Variants in ADRA1A observed in about 807,000 individuals in gnomAD.
ADRA1A encodes adrenoceptor alpha 1A, also known as alpha-1A adrenergic receptor.
Under a neutral mutation model 29.6 loss-of-function variants are expected in ADRA1A, and 31 were observed. The observed-to-expected ratio is 1.05, with a 90% CI of 0.79 to 1.41. The LOEUF is 1.41. Ranked by LOEUF, ADRA1A falls within the 40% of genes most tolerant of loss-of-function variation. The probability of loss-of-function intolerance (pLI) is 0.00; values close to 1 mark genes in which losing one functional copy is unlikely to be tolerated. For missense variants in ADRA1A, 619 were observed against 601.1 expected (o/e 1.03, Z -0.31); for synonymous variants, 311 against 254.3 (o/e 1.22, Z -2.12).
intron 2 of ADRA1A, chr8:26,858,920 C>T: frequency 2.0e-6 from 1 of 505,140 alleles, no homozygotes; most frequent in Non-Finnish European, 2.9e-6. Context: ...AACAGTCATG[C>T]TATTCAATGC....
rs985172934 is a variant in ADRA1A at position 26,787,956 on chromosome 8, C to T, written c.884-17290G>A. ...GGGGATAATTTCCAAGGTCAGAAAC[C>T]GGACATTGAGTACATCTTCCTGCAG... On this transcript the variant is annotated intron_variant, in intron 2 of 2. Coordinates refer to ENST00000380573, the MANE Select transcript of ADRA1A (RefSeq NM_000680.4). This position sits in a 1 kb window ranked among gnomAD's most constrained non-coding sequence, Gnocchi z 4.2. Among the ~76,000 whole-genome samples the T allele has an allele frequency of 3.3e-5, 5 of 151,560 alleles. No homozygotes were observed. The highest frequency in any genetic ancestry group is 4.9e-5 in the African/African-American group (2 of 41,206).
At chr8:26,851,040 C>T (rs936039651) in intron 2 of ADRA1A, among the ~76,000 whole-genome samples, 3 of 151,702 alleles carry the variant, frequency 2.0e-5, no homozygotes, top group East Asian at 1.9e-4. Context: ...TAAGAAAAAT[C>T]CAGAGCACAG....
Position 26,865,047 on chromosome 8 carries a change from C to A in ADRA1A, c.-78G>T. On this transcript the variant is annotated 5_prime_UTR_variant, in exon 2 of 3. Coordinates refer to ENST00000380573, the MANE Select transcript of ADRA1A (RefSeq NM_000680.4). This position sits in a 1 kb window ranked among gnomAD's most constrained non-coding sequence, Gnocchi z 7.6. ...TGGCGCGGAGGCGGGAGCGCGGGAG[C>A]CGGGAATCAAAAGGTCTCGGCTGGA... 6.6e-7 allele frequency: 1 copy of A among 1,517,602 alleles called. No homozygotes were observed. Among genetic ancestry groups the A allele is most frequent in the Non-Finnish European group, 8.8e-7 (1 of 1,142,272 alleles). 94.0% of individuals were successfully genotyped at this position (1,517,602 alleles called of 1,614,324 possible).
chr8:26,831,482 G>T lies in ADRA1A; in HGVS notation c.883+32605C>A, dbSNP rs1470358550. ...TGGGATTGCCCAGTACCAACCCCCT[G>T]CCCACACCCCACCACTGATCATGGC... On this transcript the variant is annotated intron_variant, in intron 2 of 2. Coordinates refer to ENST00000380573, the MANE Select transcript of ADRA1A (RefSeq NM_000680.4). This position sits in a 1 kb window ranked among gnomAD's most constrained non-coding sequence, Gnocchi z 5.2. Among the ~76,000 whole-genome samples, 2 of 152,224 alleles carry T rather than the reference G, an allele frequency of 1.3e-5. No individual in the cohort carries two copies. Among genetic ancestry groups the T allele is most frequent in the East Asian group, 3.9e-4 (2 of 5,160 alleles).
chr8:26,786,654 A>G (rs1158534313), intron 2 of ADRA1A, among the ~76,000 whole-genome samples: 1 of 150,454 alleles, frequency 6.6e-6, no homozygotes, highest in Non-Finnish European at 1.5e-5. Context: ...TCCACTCACC[A>G]TTTATATCTT....
chr8:26,830,180 C>T (rs551315179), intron 2 of ADRA1A, among the ~76,000 whole-genome samples: 1 of 152,296 alleles, frequency 6.6e-6, no homozygotes, highest in South Asian at 2.1e-4. Context: ...AGATTGCTTC[C>T]AGGCAGGTCC....
intron 2 of ADRA1A, among the ~76,000 whole-genome samples, chr8:26,829,833 C>T (rs1347276283): frequency 6.6e-6 from 1 of 152,098 alleles, no homozygotes; most frequent in African/African-American, 2.4e-5. Flanking sequence ...CAGCCCCACG[C>T]TGCCCCTGGT....
Position 26,795,033 on chromosome 8 carries a change from TA to T in ADRA1A, c.884-24368del, listed in dbSNP as rs573798220. Reference sequence around the variant, plus strand: ...AATCTTTTTTCCTAACTTTGAATTCTAAAAAAACTAAGAAACAATGATCAGG... The same window carrying T: ...AATCTTTTTTCCTAACTTTGAATTCTAAAAAACTAAGAAACAATGATCAGG... On this transcript the variant is annotated intron_variant, in intron 2 of 2. Coordinates refer to ENST00000380573, the MANE Select transcript of ADRA1A (RefSeq NM_000680.4). Among the ~76,000 whole-genome samples the T allele has an allele frequency of 5.7e-3, 868 of 152,164 alleles. 8 individuals are homozygous for T. The highest frequency in any genetic ancestry group is 0.02 in the African/African-American group (828 of 41,526).
intron 2 of ADRA1A, among the ~76,000 whole-genome samples, chr8:26,783,725 CGTGT>C (rs1807164072): frequency 1.3e-5 from 2 of 152,178 alleles, no homozygotes; most frequent in African/African-American, 4.8e-5. Flanking sequence ...AAGATACATG[CGTGT>C]GTATGTTCAT....
rs1400674311 is a variant in ADRA1A, at chr8:26,864,808, G to A, written c.162C>T (p.His54=). Residue 54 remains histidine (H), a synonymous_variant, in exon 2 of 3, where the codon CAC becomes CAT. Transcript: ENST00000380573. This position sits in a 1 kb window ranked among gnomAD's most constrained non-coding sequence, Gnocchi z 8.1. ...AGTGCGTGACTGAGTGCAGGTGTCG[G>A]TGACAGGCTACGGAGAGGATCACTA... ...NILVILSVAC[H]RHLHSVTHYY... 1 of 1,614,072 alleles carries A rather than the reference G, an allele frequency of 6.2e-7. No homozygotes were observed. Among genetic ancestry groups the A allele is most frequent in the Admixed American group, 1.7e-5 (1 of 60,006 alleles).
Position 26,801,770 on chromosome 8 carries a change from A to G in ADRA1A, c.884-31104T>C, listed in dbSNP as rs190928582. Among the ~76,000 whole-genome samples the G allele has an allele frequency of 1.3e-3, 191 of 152,270 alleles. 3 individuals carry two copies. The highest frequency in any genetic ancestry group is 4.5e-3 in the African/African-American group (185 of 41,570). ...AATAAAATTTATATGGAACCACAAA[A>G]AACCAGAATAGCCAAAGGTATCCAG... On this transcript the variant is annotated intron_variant, in intron 2 of 2. Transcript: ENST00000380573.
chr8:26,832,778 C>A lies in ADRA1A; in HGVS notation c.883+31309G>T, dbSNP rs974278725. On this transcript the variant is annotated intron_variant, in intron 2 of 2. Coordinates refer to ENST00000380573, the MANE Select transcript of ADRA1A (RefSeq NM_000680.4). ...TTGTCACACCTGTGGGGGAGGGAGG[C>A]AAGCAGGATGGGGTGGAAGGAGAAG... Among the ~76,000 whole-genome samples, 7 of 152,060 alleles carry A rather than the reference C, an allele frequency of 4.6e-5. No individual in the cohort carries two copies. The South Asian group carries it at 8.3e-4, about 18-fold the overall frequency.
chr8:26,796,379 A>G lies in ADRA1A; in HGVS notation c.884-25713T>C, dbSNP rs140630387. Among the ~76,000 whole-genome samples, 17 of 152,296 alleles carry G rather than the reference A, an allele frequency of 1.1e-4. No homozygotes were observed. In the East Asian group the frequency reaches 2.1e-3, roughly 19 times the overall value. Reference sequence around the variant, plus strand: ...TTTCGCTACCTTCATCTGCATTTCCAAGTTTTTTTAAATAGCTTTCATAAA... The same window carrying G: ...TTTCGCTACCTTCATCTGCATTTCCGAGTTTTTTTAAATAGCTTTCATAAA... On this transcript the variant is annotated intron_variant, in intron 2 of 2. Transcript: ENST00000380573. The surrounding 1 kb of genome is among the most constrained non-coding windows in gnomAD (Gnocchi z 5.0).
chr8:26,776,175 T>C (rs920971585), intron 2 of ADRA1A, among the ~76,000 whole-genome samples: 1 of 152,204 alleles, frequency 6.6e-6, no homozygotes, highest in East Asian at 1.9e-4. Context: ...GTGAGTGCTA[T>C]GGTTAGCTTC....
At chr8:26,810,376 A>G (rs1447255246) in intron 2 of ADRA1A, among the ~76,000 whole-genome samples, 1 of 152,216 alleles carries the variant, frequency 6.6e-6, no homozygotes, top group East Asian at 1.9e-4. Context: ...TGAAACAGCC[A>G]TTCTATTTCA....
chr8:26,856,114 T>G (rs1160285552), intron 2 of ADRA1A, among the ~76,000 whole-genome samples: 2 of 152,248 alleles, frequency 1.3e-5, no homozygotes, highest in Non-Finnish European at 2.9e-5. Flanking sequence ...CATTGACAGA[T>G]TTGTCTTGTG....
Position 26,864,600 on chromosome 8 carries a change from G to A in ADRA1A, c.370C>T (p.Arg124Cys), listed in dbSNP as rs747122943. ...IMGLCIISIDRYIGVSYPLRY... is the reference protein window; with the variant it reads ...IMGLCIISIDCYIGVSYPLRY... ...AGCGGGTAGCTCACGCCGATGTAGC[G>A]GTCGATGGAGATGATGCAGAGGCCC... is the stretch of plus-strand genomic sequence containing the variant. The change falls in exon 2 of 3, where the codon CGC becomes TGC. Residue 124 changes from arginine (R) to cysteine (C), a missense_variant. Transcript: ENST00000380573. This position sits in a 1 kb window ranked among gnomAD's most constrained non-coding sequence, Gnocchi z 8.1. The A allele has an allele frequency of 1.1e-5, 18 of 1,613,996 alleles. No homozygotes were observed. The highest frequency in any genetic ancestry group is 1.4e-5 in the Non-Finnish European group (17 of 1,180,042).
intron 2 of ADRA1A, among the ~76,000 whole-genome samples, chr8:26,777,187 A>G (rs770475350): frequency 6.6e-5 from 10 of 152,202 alleles, no homozygotes; most frequent in Non-Finnish European, 1.3e-4. Context: ...CTCAGTCAGC[A>G]AGAAGTTTTT....
In ADRA1A at chr8:26,770,302, T is replaced by G; in HGVS notation, c.1248A>C (p.Gln416His). The G allele has an allele frequency of 6.2e-7, 1 of 1,614,198 alleles. No individual in the cohort carries two copies. The highest frequency in any genetic ancestry group is 8.5e-7 in the Non-Finnish European group (1 of 1,180,032). ...GSARITVSKD[Q>H]SSCTTARVRS... ...TCACCCGGGCTGTGGTACAGGAGGA[T>G]TGGTCTTTGGACACTGTAATCCTGG... Residue 416 changes from glutamine (Q) to histidine (H), a missense_variant, in exon 3 of 3, where the codon CAA becomes CAC. Physicochemically the swap from Gln to His is conservative, Grantham distance 24 (BLOSUM62 0). Transcript: ENST00000380573.
Sources: allele counts gnomAD v4.1 joint callset (sites outside exome capture counted in the v4.1 genomes callset), GRCh38; gene constraint gnomAD v4.1.1; non-coding constraint Gnocchi (gnomAD v3.1); transcripts MANE v1.5; gene names NCBI Gene and HGNC (gene_info 2026-07-23, HGNC 2026-07-21).